Variants in SFMBT1 observed in about 807,000 individuals in gnomAD.
SFMBT1 encodes the protein scm-like with four MBT domains protein 1.
SFMBT1 carries 32 observed loss-of-function variants against 108.7 expected under a neutral mutation model. That is an observed-to-expected ratio of 0.29 (90% confidence interval 0.22 to 0.40). The LOEUF is 0.40. Ranked by LOEUF, SFMBT1 falls within the 10% of genes least tolerant of loss-of-function variation. The pLI is 1.00. For missense variants in SFMBT1, 816 were observed against 1,059.6 expected, an observed-to-expected ratio of 0.77 and a Z score of 3.19; for synonymous variants, 348 against 369.5, an observed-to-expected ratio of 0.94 and a Z score of 0.67.
At chr3:53,022,029 T>C (rs1699325001) in intron 1 of SFMBT1, among the ~76,000 whole-genome samples, 1 of 152,192 alleles carries the variant, frequency 6.6e-6, no homozygotes, top group Non-Finnish European at 1.5e-5. Context: ...CACCGCTCTC[T>C]AGAATTCGTC....
intron 1 of SFMBT1, among the ~76,000 whole-genome samples, chr3:53,002,861 A>G (rs1219795104): frequency 6.6e-6 from 1 of 150,412 alleles, no homozygotes; most frequent in Non-Finnish European, 1.5e-5. Context: ...TTACATGAAG[A>G]TGTCTAGTTA....
At chr3:53,033,819 C>T (rs1193892173) in intron 1 of SFMBT1, among the ~76,000 whole-genome samples, 1 of 151,300 alleles carries the variant, frequency 6.6e-6, no homozygotes, top group Non-Finnish European at 1.5e-5. Context: ...CCTGTAATCC[C>T]AGCAGTTTGA....
chr3:53,039,640 C>A (rs546133696), intron 1 of SFMBT1, among the ~76,000 whole-genome samples: 3 of 152,232 alleles, frequency 2.0e-5, no homozygotes, highest in Non-Finnish European at 4.4e-5. Flanking sequence ...ATATAACTTA[C>A]CACAACCATA....
intron 1 of SFMBT1, among the ~76,000 whole-genome samples, chr3:53,006,978 G>A (rs888702649): frequency 3.4e-4 from 52 of 152,122 alleles, no homozygotes; most frequent in Non-Finnish European, 6.3e-4. Flanking sequence ...GCTCCATGAG[G>A]GTATGCAGGG....
intron 1 of SFMBT1, among the ~76,000 whole-genome samples, chr3:53,005,737 G>A (rs1698717318): frequency 6.6e-6 from 1 of 152,182 alleles, no homozygotes; most frequent in East Asian, 1.9e-4. Flanking sequence ...TTTGGCTGGG[G>A]TACTTTTTCT....
intron 1 of SFMBT1, among the ~76,000 whole-genome samples, chr3:52,986,145 G>A (rs1212432902): frequency 4.6e-5 from 6 of 130,186 alleles, no homozygotes; most frequent in Admixed American, 7.9e-5. Context: ...TCCGTCTCAG[G>A]AAAAAAAAAA....
At chr3:53,032,802 T>C (rs565922916) in intron 1 of SFMBT1, among the ~76,000 whole-genome samples, 84 of 152,304 alleles carry the variant, frequency 5.5e-4, no homozygotes, top group African/African-American at 1.8e-3. Context: ...ATCACAATTG[T>C]AATATTTACA....
intron 13 of SFMBT1, among the ~76,000 whole-genome samples, chr3:52,917,574 A>G (rs539158018): frequency 6.6e-6 from 1 of 152,178 alleles, no homozygotes; most frequent in Non-Finnish European, 1.5e-5. Context: ...GGGGTCCCCA[A>G]CCCCAGGGCC....
chr3:53,037,781 G>C (rs2581817), intron 1 of SFMBT1, among the ~76,000 whole-genome samples: 70,886 of 151,916 alleles, frequency 0.47, 17,028 homozygotes, highest in South Asian at 0.63. Context: ...TTGAGACCAG[G>C]TTGGACAACA....
At chr3:52,991,342 C>CTTTTTTTTTTTTTTTT (rs71087045) in intron 1 of SFMBT1, among the ~76,000 whole-genome samples, 3 of 91,212 alleles carry the variant, frequency 3.3e-5, no homozygotes, top group Admixed American at 1.3e-4. Context: ...GCTGAAACTT[C>CTTTTTTTTTTTTTTTT]TTTTTTTTTT....
intron 12 of SFMBT1, among the ~76,000 whole-genome samples, chr3:52,919,078 C>T (rs951824366): frequency 3.9e-5 from 6 of 152,128 alleles, no homozygotes; most frequent in Non-Finnish European, 7.4e-5. Flanking sequence ...AATGCTCACT[C>T]GCCCGCCACT....
chr3:52,951,970 T>C (rs780651322), intron 3 of SFMBT1, among the ~76,000 whole-genome samples: 53 of 152,350 alleles, frequency 3.5e-4, no homozygotes, highest in Admixed American at 1.4e-3. Context: ...ATCTGAAATA[T>C]GTAATTCTCA....
chr3:52,990,693 G>T (rs143424099), intron 1 of SFMBT1, among the ~76,000 whole-genome samples: 45 of 151,970 alleles, frequency 3.0e-4, no homozygotes, highest in African/African-American at 1.0e-3. Flanking sequence ...GAGAGAAGAA[G>T]GAAAGAAGGA....
At chr3:53,037,520 G>A (rs570890392) in intron 1 of SFMBT1, among the ~76,000 whole-genome samples, 6 of 152,162 alleles carry the variant, frequency 3.9e-5, no homozygotes, top group Non-Finnish European at 8.8e-5. Flanking sequence ...CATTAAAAGA[G>A]AAATAAAATT....
At chr3:53,008,622 C>A (rs1010936670) in intron 1 of SFMBT1, among the ~76,000 whole-genome samples, 2 of 150,570 alleles carry the variant, frequency 1.3e-5, no homozygotes, top group Middle Eastern at 3.4e-3. Flanking sequence ...ATTTCATGAC[C>A]CTAGGTAGAC....
At chr3:52,988,781 T>A (rs951150851) in intron 1 of SFMBT1, among the ~76,000 whole-genome samples, 3 of 152,188 alleles carry the variant, frequency 2.0e-5, no homozygotes, top group African/African-American at 7.2e-5. Flanking sequence ...TAGGTTATGA[T>A]AATTAATTAG....
At chr3:53,024,942 T>C (rs1699437778) in intron 1 of SFMBT1, among the ~76,000 whole-genome samples, 1 of 152,210 alleles carries the variant, frequency 6.6e-6, no homozygotes, top group South Asian at 2.1e-4. Context: ...ATATAAAGTA[T>C]ACAATGACTT....
chr3:53,015,751 A>G (rs1185728783), intron 1 of SFMBT1, among the ~76,000 whole-genome samples: 1 of 152,258 alleles, frequency 6.6e-6, no homozygotes, highest in Non-Finnish European at 1.5e-5. Context: ...GACAGAAAGT[A>G]AATTAGTGGT....
At chr3:53,042,602 C>G (rs912593598) in intron 1 of SFMBT1, among the ~76,000 whole-genome samples, 1 of 152,208 alleles carries the variant, frequency 6.6e-6, no homozygotes. Context: ...CCTAGCCTCC[C>G]AAAGTGCTGG....
Sources: gnomAD v4.1 joint callset for allele counts (sites outside exome capture counted in the v4.1 genomes callset) on GRCh38, gnomAD v4.1.1 for gene constraint, MANE v1.5 for transcripts, NCBI Gene and HGNC (gene_info 2026-07-23, HGNC 2026-07-21) for gene names.